The following CPA6 variants were observed in gnomAD, a reference collection of about 807,000 sequenced individuals.
CPA6 encodes carboxypeptidase B.
CPA6 carries 58 observed loss-of-function variants against 63.3 expected under a neutral mutation model. The observed-to-expected ratio is 0.92, with a 90% CI of 0.74 to 1.14. The LOEUF is 1.14. Among genes scored for constraint, CPA6 ranks in the 50% most tolerant of loss-of-function variants. The pLI is 0.00. For synonymous variants in CPA6, 185 were observed against 179.0 expected (o/e 1.03, Z -0.27); for missense variants, 565 against 526.6 (o/e 1.07, Z -0.71).
intron 1 of CPA6, among the ~76,000 whole-genome samples, chr8:67,636,477 A>G (rs900681967): frequency 1.3e-5 from 2 of 151,632 alleles, no homozygotes; most frequent in Non-Finnish European, 2.9e-5. Context: ...AACCAATGGA[A>G]TAATTAAATT....
At chr8:67,568,175 T>G (rs1813390270) in intron 2 of CPA6, among the ~76,000 whole-genome samples, 1 of 152,098 alleles carries the variant, frequency 6.6e-6, no homozygotes, top group Admixed American at 6.5e-5. Context: ...AAAGAACTCC[T>G]GTAAAAGCCA....
intron 1 of CPA6, among the ~76,000 whole-genome samples, chr8:67,685,494 C>T (rs1391270416): frequency 1.3e-5 from 2 of 152,184 alleles, no homozygotes; most frequent in African/African-American, 4.8e-5. Flanking sequence ...TGGCGGGCGC[C>T]TGTAGTTCCA....
At chr8:67,711,079 T>C (rs1487673487) in intron 1 of CPA6, among the ~76,000 whole-genome samples, 1 of 152,156 alleles carries the variant, frequency 6.6e-6, no homozygotes, top group Non-Finnish European at 1.5e-5. Flanking sequence ...GCATTCTTAG[T>C]CTTAGCTGAC....
intron 2 of CPA6, among the ~76,000 whole-genome samples, chr8:67,612,557 T>C (rs1233923827): frequency 1.3e-5 from 2 of 152,196 alleles, no homozygotes; most frequent in Non-Finnish European, 2.9e-5. Context: ...GTAACTGGAA[T>C]TTGAGAGAGC....
At chr8:67,688,152 C>T (rs116864513) in intron 1 of CPA6, among the ~76,000 whole-genome samples, 1 of 152,198 alleles carries the variant, frequency 6.6e-6, no homozygotes, top group East Asian at 1.9e-4. Flanking sequence ...CCAGCCTGGG[C>T]ATCAGTGTGA....
intron 1 of CPA6, among the ~76,000 whole-genome samples, chr8:67,658,587 T>C (rs1202581756): frequency 6.6e-6 from 1 of 152,150 alleles, no homozygotes; most frequent in African/African-American, 2.4e-5. Context: ...CCATCATTTA[T>C]CTCCACATCA....
At chr8:67,662,794 C>T (rs1179560276) in intron 1 of CPA6, among the ~76,000 whole-genome samples, 2 of 152,106 alleles carry the variant, frequency 1.3e-5, no homozygotes, top group Non-Finnish European at 2.9e-5. Context: ...CAATGTGCTG[C>T]AGGAGCACCT....
At chr8:67,728,128 AAAAACAAAC>A (rs1157971661) in intron 1 of CPA6, among the ~76,000 whole-genome samples, 1 of 81,794 alleles carries the variant, frequency 1.2e-5, no homozygotes, top group African/African-American at 4.1e-5. Context: ...AACAACAACA[AAAAACAAAC>A]AAAACAAAAC....
intron 1 of CPA6, 43 bp downstream of exon 1, chr8:67,745,971 T>G: frequency 6.8e-7 from 1 of 1,472,446 alleles, no homozygotes; most frequent in Non-Finnish European, 9.4e-7. Flanking sequence ...AGCCCCCAGA[T>G]CCAAATCAAA....
At chr8:67,591,543 G>A (rs1376903372) in intron 2 of CPA6, among the ~76,000 whole-genome samples, 1 of 152,082 alleles carries the variant, frequency 6.6e-6, no homozygotes, top group Non-Finnish European at 1.5e-5. Flanking sequence ...CCCTTTGTTT[G>A]TATCCTCTTT....
chr8:67,518,620 C>T (rs1812199188), intron 2 of CPA6, among the ~76,000 whole-genome samples: 1 of 151,398 alleles, frequency 6.6e-6, no homozygotes, highest in Admixed American at 6.6e-5. Context: ...AATTCTCCTG[C>T]CTCAGCTTCC....
chr8:67,490,931 G>T (rs1312380851), intron 6 of CPA6, among the ~76,000 whole-genome samples: 1 of 152,118 alleles, frequency 6.6e-6, no homozygotes, highest in Non-Finnish European at 1.5e-5. Flanking sequence ...TTTTAAAAAG[G>T]TAGCTTTAAA....
At position 67,565,667 on chromosome 8, in the gene CPA6, T is replaced by C. The variant is rs147989937; in HGVS notation, c.193-47620A>G. Among the ~76,000 whole-genome samples the C allele has an allele frequency of 7.0e-4, 107 of 152,352 alleles. 2 individuals are homozygous for C. The highest frequency in any genetic ancestry group is 2.2e-3 in the Admixed American group (33 of 15,310). On this transcript the variant is annotated intron_variant, in intron 2 of 10. Coordinates refer to ENST00000297770, the MANE Select transcript of CPA6 (RefSeq NM_020361.5). Reference sequence around the variant, plus strand: ...ACCTTTAGGACTGCATAGTCAAGGATAGTTCCTTGCCAAACTGTTTAGTTT... The same window carrying C: ...ACCTTTAGGACTGCATAGTCAAGGACAGTTCCTTGCCAAACTGTTTAGTTT...
intron 1 of CPA6, among the ~76,000 whole-genome samples, chr8:67,632,522 G>C (rs1815365673): frequency 6.6e-6 from 1 of 152,014 alleles, no homozygotes; most frequent in Non-Finnish European, 1.5e-5. Context: ...ATGTTGCCCA[G>C]GCTACTCTCG....
At chr8:67,510,873 T>C (rs1287004399) in intron 4 of CPA6, among the ~76,000 whole-genome samples, 1 of 152,164 alleles carries the variant, frequency 6.6e-6, no homozygotes, top group East Asian at 1.9e-4. Context: ...AATTACATAA[T>C]TAAAAACTGT....
At chr8:67,427,077 C>A (rs1176787759) in intron 10 of CPA6, among the ~76,000 whole-genome samples, 1 of 152,172 alleles carries the variant, frequency 6.6e-6, no homozygotes, top group Non-Finnish European at 1.5e-5. Context: ...AAAGGGTGAG[C>A]TGACTTGTTT....
intron 1 of CPA6, among the ~76,000 whole-genome samples, chr8:67,626,304 G>C (rs1409649400): frequency 6.6e-6 from 1 of 152,078 alleles, no homozygotes; most frequent in Non-Finnish European, 1.5e-5. Flanking sequence ...GGACTTGCTG[G>C]GCAATGATTT....
intron 1 of CPA6, among the ~76,000 whole-genome samples, chr8:67,709,174 C>T (rs1161270562): frequency 2.6e-5 from 4 of 152,178 alleles, no homozygotes; most frequent in Admixed American, 6.5e-5. Flanking sequence ...GCGTATGCGG[C>T]CCCTGTCACA....
chr8:67,505,969 C>T (rs559835180), intron 6 of CPA6, among the ~76,000 whole-genome samples: 63 of 152,126 alleles, frequency 4.1e-4, no homozygotes, highest in Middle Eastern at 3.4e-3. Context: ...CCCTTCATAT[C>T]CTTCGACTTT....
Sources: allele counts gnomAD v4.1 joint callset (sites outside exome capture counted in the v4.1 genomes callset), GRCh38; gene constraint gnomAD v4.1.1; transcripts MANE v1.5; gene names NCBI Gene and HGNC (gene_info 2026-07-23, HGNC 2026-07-21).